SIN3B: variants seen among roughly 807,000 people sequenced by gnomAD.
SIN3B encodes the protein paired amphipathic helix protein Sin3b.
A neutral mutation model predicts 120.2 loss-of-function variants in SIN3B; 19 were observed. The observed-to-expected ratio is 0.16, with a 90% CI of 0.11 to 0.23. The LOEUF is 0.23. Among genes scored for constraint, SIN3B ranks in the 10% least tolerant of loss-of-function variants. The pLI, the probability that SIN3B is intolerant of heterozygous loss-of-function variation, is 1.00. For missense variants in SIN3B, 1,073 were observed against 1,573.0 expected (o/e 0.68, Z 5.38); for synonymous variants, 654 against 653.2 (o/e 1.00, Z -0.02).
intron 3 of SIN3B, among the ~76,000 whole-genome samples, chr19:16,840,271 C>T (rs1276980324): frequency 6.6e-6 from 1 of 152,124 alleles, no homozygotes; most frequent in African/African-American, 2.4e-5. Flanking sequence ...AGGGTAGGCC[C>T]TAATCCAGTC....
Position 16,863,733 on chromosome 19 carries a change from C to G in SIN3B, c.1320C>G (p.Phe440Leu). Residue 440 changes from phenylalanine (F) to leucine (L), a missense_variant, in exon 10 of 19, where the codon TTC (phenylalanine) becomes TTG (leucine). Phe to Leu is a conservative substitution (Grantham distance 22). Coordinates refer to ENST00000248054, the MANE Select transcript of SIN3B (RefSeq NM_001297595.2). ...SFPSWSEDST[F>L]VSSKKTPYEE... The stretch of plus-strand genomic sequence containing the variant: ...CTTCCTGGTCTGAGGACTCCACGTT[C>G]GTCAGCTCCAAGAAGACACCGTACG... 1 of 1,614,180 alleles carries G rather than the reference C, an allele frequency of 6.2e-7. No homozygotes were observed. The highest frequency in any genetic ancestry group is 1.7e-5 in the Admixed American group (1 of 60,022).
intron 12 of SIN3B, among the ~76,000 whole-genome samples, chr19:16,867,894 T>C (rs970325270): frequency 3.3e-5 from 5 of 152,188 alleles, no homozygotes; most frequent in African/African-American, 1.2e-4. Context: ...GTATAGGTTC[T>C]GTGGGTCTGT....
At position 16,864,061 on chromosome 19, in the gene SIN3B, A is replaced by G. The variant is rs903822179; in HGVS notation, c.1383+265A>G. Among the ~76,000 whole-genome samples, 4 of 152,218 alleles carry G rather than the reference A, an allele frequency of 2.6e-5. No homozygotes were observed. In the East Asian group the frequency reaches 5.8e-4, roughly 22 times the overall value. On this transcript the variant is annotated intron_variant, in intron 10 of 18. Coordinates refer to ENST00000248054, the MANE Select transcript of SIN3B (RefSeq NM_001297595.2). ...GTAATCCCAACACTTTGGGAGGCCA[A>G]GACAGGTGGATCATTTAAGCTCAGG...
intron 16 of SIN3B, 88 bp from the exon 17 acceptor site, chr19:16,877,455 CCT>C (rs951588673): frequency 2.2e-4 from 205 of 931,508 alleles, no homozygotes; most frequent in Non-Finnish European, 3.2e-4. Flanking sequence ...GCACAGAACC[CCT>C]GTGAGCTCCT....
rs1971742949 is a variant in SIN3B, at chr19:16,864,920, C to T, written c.1384-490C>T. ...CATGATCTTGGCTCACTGCAACCTC[C>T]ACCTCCTGGGTTCAAGCGATTCTCC... On this transcript the variant is annotated intron_variant, in intron 10 of 18. Transcript: ENST00000248054. Among the ~76,000 whole-genome samples, 5 of 151,936 alleles carry T rather than the reference C, an allele frequency of 3.3e-5. No homozygotes were observed. In the South Asian group the frequency reaches 1.0e-3, roughly 32 times the overall value.
At chr19:16,867,720 A>G (rs1395815898) in intron 12 of SIN3B, among the ~76,000 whole-genome samples, 8 of 152,162 alleles carry the variant, frequency 5.3e-5, no homozygotes. Context: ...CGGAATCCAC[A>G]GGAGCCGGGC....
intron 3 of SIN3B, among the ~76,000 whole-genome samples, chr19:16,834,439 G>A (rs1310618348): frequency 6.6e-6 from 1 of 152,214 alleles, no homozygotes; most frequent in East Asian, 1.9e-4. Flanking sequence ...CTTCCTTTAA[G>A]TAGCTGCGGG....
At chr19:16,851,675 G>A in intron 6 of SIN3B, 141 bp downstream of exon 6, 1 of 1,103,422 alleles carries the variant, frequency 9.1e-7, no homozygotes, top group Non-Finnish European at 1.2e-6. Flanking sequence ...CCGGCAGTGG[G>A]ACCGTTGGAA....
At position 16,874,878 on chromosome 19, in the gene SIN3B, T is replaced by C. The variant is rs189110788; in HGVS notation, c.2593-1177T>C. On this transcript the variant is annotated intron_variant, in intron 14 of 18. Transcript: ENST00000248054. The stretch of plus-strand genomic sequence containing the variant: ...TTGGTTTGGTTTTAGTCTGGTCTAG[T>C]CTGGTCTGGTCTGGTTTTGGTCTGG... 2.0e-5 allele frequency among the ~76,000 whole-genome samples: 3 copies of C among 152,130 alleles called. 1 individual carries two copies. Among genetic ancestry groups the C allele is most frequent in the South Asian group, 2.1e-4 (1 of 4,804 alleles).
chr19:16,871,986 T>C (rs574387271), intron 14 of SIN3B, among the ~76,000 whole-genome samples: 1 of 152,332 alleles, frequency 6.6e-6, no homozygotes, highest in South Asian at 2.1e-4. Flanking sequence ...AGTGATTTCA[T>C]CTGCGTTGGT....
chr19:16,844,715 CA>C (rs1971458913), intron 4 of SIN3B, among the ~76,000 whole-genome samples: 1 of 152,254 alleles, frequency 6.6e-6, no homozygotes, highest in African/African-American at 2.4e-5. Context: ...CGACTCTAAA[CA>C]GCAGCGCCGT....
chr19:16,875,684 T>G, intron 14 of SIN3B, among the ~76,000 whole-genome samples: 1 of 150,584 alleles, frequency 6.6e-6, no homozygotes, highest in Non-Finnish European at 1.5e-5. Flanking sequence ...TGGTCTGGTC[T>G]GGTCTGGTCT....
intron 5 of SIN3B, among the ~76,000 whole-genome samples, chr19:16,849,544 C>G (rs1440273015): frequency 6.6e-6 from 1 of 152,126 alleles, no homozygotes; most frequent in East Asian, 1.9e-4. Context: ...GAACAACAGG[C>G]CCTGTGTTAA....
Position 16,862,104 on chromosome 19 carries a change from A to T in SIN3B, c.1059-248A>T, listed in dbSNP as rs1164664258. ...TGTATTTCAAAGCCTTACTGTGAGT[A>T]TGGGATTAATAGGCACAGGAAGGGA... On this transcript the variant is annotated intron_variant, in intron 8 of 18. Transcript: ENST00000248054. The surrounding 1 kb of genome is among the most constrained non-coding windows in gnomAD (Gnocchi z 4.7). Among the ~76,000 whole-genome samples the T allele has an allele frequency of 6.6e-6, 1 of 152,154 alleles. No individual in the cohort carries two copies. Among genetic ancestry groups the T allele is most frequent in the Non-Finnish European group, 1.5e-5 (1 of 68,030 alleles).
At chr19:16,847,694 G>A (rs148893579) in intron 5 of SIN3B, among the ~76,000 whole-genome samples, 52 of 152,316 alleles carry the variant, frequency 3.4e-4, no homozygotes, top group African/African-American at 1.0e-3. Context: ...TGCCAGGGCC[G>A]CCTGTTCCGA....
chr19:16,842,065 C>A, intron 4 of SIN3B, 97 bp downstream of exon 4: 1 of 1,059,986 alleles, frequency 9.4e-7, no homozygotes, highest in South Asian at 1.5e-5. Context: ...TCATAAAATC[C>A]TGTAAAATTC....
At chr19:16,843,757 C>T (rs527889144) in intron 4 of SIN3B, among the ~76,000 whole-genome samples, 9 of 152,332 alleles carry the variant, frequency 5.9e-5, no homozygotes, top group African/African-American at 7.2e-5. Flanking sequence ...CAACCCAAAC[C>T]GGGCTGCTGA....
chr19:16,878,772 G>T lies in SIN3B; in HGVS notation c.*45G>T, dbSNP rs1378970879. 6.6e-7 allele frequency: 1 copy of T among 1,507,148 alleles called. No homozygotes were observed. The allele number at this position is 1,507,148 out of a possible 1,614,324, so 93.4% of individuals were successfully genotyped here. A position where few individuals can be genotyped will look rare whatever the true frequency, so the allele number is the denominator to read the frequency against. ...GGCAGGCGCCTCACAGAGCACAGAC[G>T]TGCCCTCGGCCTTGGTCGTGTCGGG... On this transcript the variant is annotated 3_prime_UTR_variant, in exon 19 of 19. Transcript: ENST00000248054.
At chr19:16,839,701 G>A (rs1158860347) in intron 3 of SIN3B, among the ~76,000 whole-genome samples, 3 of 152,052 alleles carry the variant, frequency 2.0e-5, no homozygotes, top group East Asian at 1.9e-4. Flanking sequence ...GAATCATTCC[G>A]GACATCCCCA....
Sources: gnomAD v4.1 joint callset for allele counts (sites outside exome capture counted in the v4.1 genomes callset) on GRCh38, gnomAD v4.1.1 for gene constraint, Gnocchi (gnomAD v3.1) non-coding constraint, MANE v1.5 for transcripts, NCBI Gene and HGNC (gene_info 2026-07-23, HGNC 2026-07-21) for gene names.